The following NACA variants were observed in gnomAD, a reference collection of about 807,000 sequenced individuals.
The protein encoded by NACA is nascent polypeptide-associated complex subunit alpha.
Under a neutral mutation model 86.4 loss-of-function variants are expected in NACA, and 42 were observed. The ratio of observed to expected loss-of-function variants is 0.49; its 90% CI spans 0.38 to 0.63. NACA has a LOEUF of 0.63. Among genes scored for constraint, NACA ranks in the 20% least tolerant of loss-of-function variants. The probability of loss-of-function intolerance (pLI) is 0.00; values close to 1 mark genes in which losing one functional copy is unlikely to be tolerated. For missense variants in NACA, 2,157 were observed against 2,483.6 expected (o/e 0.87, Z 2.80); for synonymous variants, 898 against 973.7 (o/e 0.92, Z 1.45).
Position 56,721,481 on chromosome 12 carries a change from T to C in NACA, c.71-22A>G. The C allele has an allele frequency of 3.1e-6, 4 of 1,270,774 alleles. No individual in the cohort carries two copies. In the South Asian group the frequency reaches 5.7e-5, roughly 18 times the overall value. 78.7% of individuals were successfully genotyped at this position (1,270,774 alleles called of 1,614,324 possible). On this transcript the variant is annotated intron_variant, in intron 2 of 8. Coordinates refer to ENST00000454682, the MANE Select transcript of NACA (RefSeq NM_001365896.1). Reference sequence around the variant, plus strand: ...ACAGCTGGAGAAAGGCAAAAGGAGATAAAGAAAGGGGGAGGGGGAGGAGAA... The same window carrying C: ...ACAGCTGGAGAAAGGCAAAAGGAGACAAAGAAAGGGGGAGGGGGAGGAGAA...
chr12:56,714,482 C>G lies in NACA; in HGVS notation c.5746-43G>C, dbSNP rs1475878208. 7 of 1,607,572 alleles carry G rather than the reference C, an allele frequency of 4.4e-6. No individual in the cohort carries two copies. The African/African-American group carries it at 6.7e-5, about 15-fold the overall frequency. On this transcript the variant is annotated intron_variant, in intron 4 of 8. Transcript: ENST00000454682. ...CTATTAGTTAACCAGAATCTAAGAT[C>G]TGGATAGCACAATCTCCTTGTGGGT...
Position 56,716,532 on chromosome 12 carries a change from AG to A in NACA, c.4997del (p.Pro1666LeufsTer16). On this transcript the variant is annotated frameshift_variant, in exon 3 of 9. Coordinates refer to ENST00000454682, the MANE Select transcript of NACA (RefSeq NM_001365896.1). LOFTEE classifies it high-confidence loss of function. ...TTGCTGGAAGCCCTTTAGATGCTTG[AG>A]GAACAGTGGCCCCCATTTTACATGT... ...SVTCKMGATV[P>X]QASKGLPAKK... 6.8e-7 allele frequency: 1 copy of A among 1,479,136 alleles called. No homozygotes were observed. Among genetic ancestry groups the A allele is most frequent in the Non-Finnish European group, 9.1e-7 (1 of 1,093,316 alleles). The allele number at this position is 1,479,136 out of a possible 1,614,324, so 91.6% of individuals were successfully genotyped here. A position where few individuals can be genotyped will look rare whatever the true frequency, so the allele number is the denominator to read the frequency against.
chr12:56,714,721 T>A (rs369596188), intron 3 of NACA, 34 bp from the exon 4 acceptor site: 1 of 1,590,988 alleles, frequency 6.3e-7, no homozygotes, highest in Non-Finnish European at 8.6e-7. Context: ...TGCTTTATAG[T>A]AGAAATTATA....
In NACA at chr12:56,721,003, G is replaced by A. The variant is rs865775893; in HGVS notation, c.527C>T (p.Ser176Leu). The A allele has an allele frequency of 1.2e-6, 2 of 1,614,000 alleles. No homozygotes were observed. Among genetic ancestry groups the A allele is most frequent in the Non-Finnish European group, 8.5e-7 (1 of 1,179,880 alleles). The change falls in exon 3 of 9, where the codon TCA (serine) becomes TTA (leucine). Residue 176 changes from serine (S) to leucine (L), a missense_variant. Ser to Leu is a moderately radical substitution (Grantham distance 145). This residue lies in a region of NACA where 947 missense variants were observed against 917.9 expected (regional missense o/e 1.03). Coordinates refer to ENST00000454682, the MANE Select transcript of NACA (RefSeq NM_001365896.1). ...VAESGSVITL[S>L]APIAPSEPKT... ...TGGTTCTGAGGGAGCAATGGGAGCT[G>A]ACAGAGTTATCACTGACCCTGACTC...
chr12:56,718,357 G>T lies in NACA; in HGVS notation c.3173C>A (p.Thr1058Lys), dbSNP rs768708488. 2.5e-6 allele frequency: 3 copies of T among 1,177,972 alleles called. No individual in the cohort carries two copies. The highest frequency in any genetic ancestry group is 3.7e-4 in the Middle Eastern group (1 of 2,672). The allele number at this position is 1,177,972 out of a possible 1,614,324, so 73.0% of individuals were successfully genotyped here. Residue 1058 changes from threonine (T) to lysine (K), a missense_variant, in exon 3 of 9, where the codon ACA (threonine) becomes AAA (lysine). Physicochemically the swap from Thr to Lys is moderately conservative, Grantham distance 78. Around this residue, in one of 8 missense-constraint regions of NACA, gnomAD observed 124 missense variants for 186.5 expected, o/e 0.66. Coordinates refer to ENST00000454682, the MANE Select transcript of NACA (RefSeq NM_001365896.1). ...GGAGGGAAGAGTTGCAGCTGGGGTT[G>T]TGGGGGCCCCTTTGGGGAGTGGGGT... ...AATPLPKGAP[T>K]TPAATLPSPK...
intron 2 of NACA, among the ~76,000 whole-genome samples, chr12:56,721,967 G>A (rs553180254): frequency 5.9e-5 from 9 of 152,326 alleles, no homozygotes; most frequent in Admixed American, 3.3e-4. Flanking sequence ...AGAAGTTAGT[G>A]AGCAGTGACG....
At chr12:56,712,676 AG>A in intron 8 of NACA, 109 bp downstream of exon 8, 1 of 1,597,608 alleles carries the variant, frequency 6.3e-7, no homozygotes, top group Non-Finnish European at 8.6e-7. Context: ...AACTCAGAAG[AG>A]GCTCTGGAAT....
rs747432522 is a variant in NACA, at chr12:56,716,890, G to A, written c.4640C>T (p.Ala1547Val). ...KTPATLAPKE[A>V]LIPPAMTVPS... ...AACAGTCATAGCTGGGGGAATGAGG[G>A]CCTCTTTGGGGGCTAGAGTTGCTGG... The change falls in exon 3 of 9, where the codon GCC becomes GTC. Residue 1547 changes from alanine (A) to valine (V), a missense_variant. By Grantham distance (64) the Ala-to-Val change is moderately conservative (BLOSUM62 0). Transcript: ENST00000454682. 6.9e-6 allele frequency: 9 copies of A among 1,306,926 alleles called. No homozygotes were observed. The Admixed American group carries it at 2.4e-4, about 34-fold the overall frequency. 81.0% of individuals were successfully genotyped at this position (1,306,926 alleles called of 1,614,324 possible). A position where few individuals can be genotyped will look rare whatever the true frequency, so the allele number is the denominator to read the frequency against.
At position 56,713,695 on chromosome 12, in the gene NACA, A is replaced by C. The variant is rs1267959993; in HGVS notation, c.5824-12T>G. On this transcript the variant is annotated splice_polypyrimidine_tract_variant and intron_variant, in intron 5 of 8. Coordinates refer to ENST00000454682, the MANE Select transcript of NACA (RefSeq NM_001365896.1). ...AGTTTGGACATAGCCTAAAGAAGAG[A>C]AAATAGTATCAGGTTTTCAACCTCT... 1 of 1,613,088 alleles carries C rather than the reference A, an allele frequency of 6.2e-7. No homozygotes were observed. Among genetic ancestry groups the C allele is most frequent in the Non-Finnish European group, 8.5e-7 (1 of 1,179,496 alleles).
chr12:56,724,470 G>A lies in NACA; in HGVS notation c.52C>T (p.Gln18Ter), dbSNP rs1389885908. 6.2e-7 allele frequency: 1 copy of A among 1,612,288 alleles called. No individual in the cohort carries two copies. Among genetic ancestry groups the A allele is most frequent in the Non-Finnish European group, 8.5e-7 (1 of 1,179,314 alleles). The part of the protein sequence containing the change: ...TVPATEQELP[Q>*]PQAETAVLPM... Reference sequence around the variant, plus strand: ...AACCTACCTGTCTCAGCCTGGGGCTGCGGCAACTCCTGCTCTGTAGCAGGG... The same window carrying A: ...AACCTACCTGTCTCAGCCTGGGGCTACGGCAACTCCTGCTCTGTAGCAGGG... Residue 18 changes from glutamine to a stop codon, truncating the protein, a stop_gained, in exon 2 of 9, where the codon CAG becomes TAG. Transcript: ENST00000454682. LOFTEE classifies it high-confidence loss of function.
intron 7 of NACA, 32 bp from the exon 8 acceptor site, chr12:56,712,940 A>C (rs1423634028): frequency 1.2e-6 from 2 of 1,613,916 alleles, no homozygotes; most frequent in South Asian, 2.2e-5. Flanking sequence ...GCAGTAAATT[A>C]AAGGCAAGAA....
chr12:56,719,802 T>C lies in NACA; in HGVS notation c.1728A>G (p.Thr576=), dbSNP rs373255556. The C allele has an allele frequency of 1.4e-5, 22 of 1,613,438 alleles. No individual in the cohort carries two copies. The South Asian group carries it at 2.2e-4, about 16-fold the overall frequency. The change falls in exon 3 of 9, where the codon ACA becomes ACG. Residue 576 remains threonine, a synonymous_variant. Coordinates refer to ENST00000454682, the MANE Select transcript of NACA (RefSeq NM_001365896.1). The part of the protein sequence containing the change: ...APKNSPSFQS[T]SSSPEIPLSP... ...AAAGAGGTATCTCTGGAGAAGAGGA[T>C]GTACTTTGGAAAGAAGGGGAATTTT... is the stretch of plus-strand genomic sequence containing the variant.
intron 3 of NACA, among the ~76,000 whole-genome samples, chr12:56,715,293 C>G (rs143746561): frequency 3.6e-4 from 55 of 152,192 alleles, no homozygotes; most frequent in Non-Finnish European, 6.2e-4. Context: ...AAACATAATT[C>G]ACATAAATTT....
chr12:56,719,505 A>C lies in NACA; in HGVS notation c.2025T>G (p.Pro675=). The C allele has an allele frequency of 6.2e-7, 1 of 1,613,914 alleles. No homozygotes were observed. Among genetic ancestry groups the C allele is most frequent in the Non-Finnish European group, 8.5e-7 (1 of 1,179,844 alleles). ...GTSTYTTTAS[P]FLEGTVSLAP... ...CTAAAGAGACAGTTCCTTCTAGAAAAGGGCTGGCTGTAGTTGTATAAGTTG... is the reference window on the plus strand; with the variant it reads ...CTAAAGAGACAGTTCCTTCTAGAAACGGGCTGGCTGTAGTTGTATAAGTTG... Residue 675 remains proline, a synonymous_variant, in exon 3 of 9, where the codon CCT becomes CCG. Transcript: ENST00000454682.
Position 56,717,341 on chromosome 12 carries a change from A to T in NACA, c.4189T>A (p.Ser1397Thr). ...PSPKRGPAIP[S>T]PKGDPTSPAV... ...GGGGAAGTGGGGTCCCCTTTGGGAG[A>T]TGGGATAGCTGGTCCTCTTTTGGGG... The change falls in exon 3 of 9, where the codon TCT becomes ACT. Residue 1397 changes from serine (S) to threonine (T), a missense_variant. Ser to Thr is a moderately conservative substitution (Grantham distance 58). Around this residue, in one of 8 missense-constraint regions of NACA, gnomAD observed 797 missense variants for 777.6 expected, o/e 1.02. Coordinates refer to ENST00000454682, the MANE Select transcript of NACA (RefSeq NM_001365896.1). 1 of 1,251,062 alleles carries T rather than the reference A, an allele frequency of 8.0e-7. No homozygotes were observed. The highest frequency in any genetic ancestry group is 1.0e-6 in the Non-Finnish European group (1 of 978,458). 77.5% of individuals were successfully genotyped at this position (1,251,062 alleles called of 1,614,324 possible).
At chr12:56,723,579 G>A (rs969667958) in intron 2 of NACA, among the ~76,000 whole-genome samples, 4 of 152,028 alleles carry the variant, frequency 2.6e-5, no homozygotes, top group African/African-American at 7.3e-5. Flanking sequence ...AATCAAACAG[G>A]TGGGAAGAAA....
At position 56,720,368 on chromosome 12, in the gene NACA, T is replaced by C; in HGVS notation, c.1162A>G (p.Ile388Val). 5 of 1,613,842 alleles carry C rather than the reference T, an allele frequency of 3.1e-6. No individual in the cohort carries two copies. Among genetic ancestry groups the C allele is most frequent in the East Asian group, 2.2e-5 (1 of 44,878 alleles). The change falls in exon 3 of 9, where the codon ATC becomes GTC. Residue 388 changes from isoleucine to valine, a missense_variant. Physicochemically the swap from Ile to Val is conservative, Grantham distance 29. Transcript: ENST00000454682. ...GAAGGGCTGCAGGTTATGCTAGAGATGGTAGAGGGACCTTTGTCAACAGAT... is the reference window on the plus strand; with the variant it reads ...GAAGGGCTGCAGGTTATGCTAGAGACGGTAGAGGGACCTTTGTCAACAGAT... ...APSVDKGPST[I>V]SSITCSPSGS...
At chr12:56,712,662 C>G in intron 8 of NACA, 110 bp from the exon 9 acceptor site, 1 of 1,594,040 alleles carries the variant, frequency 6.3e-7, no homozygotes, top group Non-Finnish European at 8.6e-7. Flanking sequence ...AAAACCTATA[C>G]GGCAACTCAG....
chr12:56,723,803 T>C (rs988270876), intron 2 of NACA, among the ~76,000 whole-genome samples: 11 of 152,222 alleles, frequency 7.2e-5, no homozygotes, highest in Admixed American at 5.9e-4. Context: ...TACAGAGATA[T>C]GTTTTAACCA....
Sources: allele counts gnomAD v4.1 joint callset (sites outside exome capture counted in the v4.1 genomes callset), GRCh38; gene constraint gnomAD v4.1.1; regional missense constraint gnomAD v4.1.1; transcripts MANE v1.5; gene names NCBI Gene and HGNC (gene_info 2026-07-23, HGNC 2026-07-21).